The following RPGR variants were observed in gnomAD, a reference collection of about 807,000 sequenced individuals.
The protein encoded by RPGR is retinitis pigmentosa GTPase regulator, also known as X-linked retinitis pigmentosa GTPase regulator.
A neutral mutation model predicts 56.3 loss-of-function variants in RPGR; 10 were observed. The observed-to-expected ratio is 0.18, with a 90% CI of 0.11 to 0.30. The LOEUF is 0.30. Ranked by LOEUF, RPGR falls within the 10% of genes least tolerant of loss-of-function variation. The pLI is 1.00. For synonymous variants in RPGR, 197 were observed against 212.9 expected (o/e 0.93, Z 0.65); for missense variants, 538 against 590.9 (o/e 0.91, Z 0.93).
At chrX:38,273,315 G>T in intron 18 of RPGR, 1 of 838,295 alleles carries the variant, frequency 1.2e-6, no homozygotes, top group Non-Finnish European at 1.7e-6. Context: ...AAATTATGTG[G>T]ATTGCCATAT....
chrX:38,272,285 G>C (rs1459198898), intron 18 of RPGR: 2 of 111,740 alleles, frequency 1.8e-5, no homozygotes, highest in Non-Finnish European at 3.8e-5. Flanking sequence ...TAAATTCCAA[G>C]TAAGTTAAAA....
At position 38,297,387 on chromosome X, in the gene RPGR, A is replaced by G; in HGVS notation, c.1311T>C (p.Leu437=). Residue 437 remains leucine, a synonymous_variant, in exon 11 of 19, where the codon CTT becomes CTC. Coordinates refer to ENST00000642395, the MANE Select transcript of RPGR (RefSeq NM_000328.3). ...CTGAATTGGGGAGAAAACAAGCAGAAAGGCCAAGAGTCCCTTCTATTGGAG... is the reference window on the plus strand; with the variant it reads ...CTGAATTGGGGAGAAAACAAGCAGAGAGGCCAAGAGTCCCTTCTATTGGAG... The G allele has an allele frequency of 2.5e-6, 3 of 1,209,306 alleles. No homozygotes were observed. The highest frequency in any genetic ancestry group is 3.4e-6 in the Non-Finnish European group (3 of 894,102).
At chrX:38,294,156 T>A (rs1269605734) in intron 11 of RPGR, among the ~76,000 whole-genome samples, 1 of 111,696 alleles carries the variant, frequency 9.0e-6, no homozygotes, top group East Asian at 2.8e-4. Flanking sequence ...GATACTTCTT[T>A]GAGCTATTTT....
At chrX:38,298,572 T>C (rs951302884) in intron 10 of RPGR, 4 of 229,658 alleles carry the variant, frequency 1.7e-5, no homozygotes, top group Non-Finnish European at 3.2e-5. Context: ...TAAGGGGGTA[T>C]ATTTGTTGTA....
At chrX:38,312,279 T>A (rs1430568648) in intron 6 of RPGR, among the ~76,000 whole-genome samples, 1 of 111,772 alleles carries the variant, frequency 8.9e-6, no homozygotes, top group African/African-American at 3.3e-5. Context: ...CCATGCTTGT[T>A]GCCTCCCATA....
At chrX:38,301,409 T>C in intron 8 of RPGR, 38 bp from the exon 9 acceptor site, 2 of 1,106,946 alleles carry the variant, frequency 1.8e-6, no homozygotes, top group Non-Finnish European at 2.5e-6. Flanking sequence ...TATAAAAGTG[T>C]TACTTGTATG....
intron 10 of RPGR, among the ~76,000 whole-genome samples, chrX:38,298,128 G>A: frequency 9.1e-6 from 1 of 109,392 alleles, no homozygotes; most frequent in Non-Finnish European, 1.9e-5. Flanking sequence ...AAATTAGCCG[G>A]GCATGGTGGT....
intron 17 of RPGR, among the ~76,000 whole-genome samples, chrX:38,274,256 A>G (rs1039597398): frequency 1.8e-5 from 2 of 111,594 alleles, no homozygotes; most frequent in Admixed American, 1.9e-4. Context: ...CCTCTATTCC[A>G]CAGCACCTGC....
Position 38,269,357 on chromosome X carries a change from A to G in RPGR, c.*269T>C. ...GAAATATCTTATTTCAATTTTCCAC[A>G]TATAAAAATATATTTTTTATTGCAA... is the stretch of plus-strand genomic sequence containing the variant. On this transcript the variant is annotated 3_prime_UTR_variant, in exon 19 of 19. Coordinates refer to ENST00000642395, the MANE Select transcript of RPGR (RefSeq NM_000328.3). 1 of 188,675 alleles carries G rather than the reference A, an allele frequency of 5.3e-6. No individual in the cohort carries two copies. Among genetic ancestry groups the G allele is most frequent in the Admixed American group, 7.1e-5 (1 of 14,148 alleles). The allele number at this position is 188,675 out of a possible 1,213,427, so 15.5% of individuals were successfully genotyped here. A position where few individuals can be genotyped will look rare whatever the true frequency, so the allele number is the denominator to read the frequency against.
At chrX:38,279,695 T>C (rs771234879) in intron 15 of RPGR, among the ~76,000 whole-genome samples, 1 of 85,555 alleles carries the variant, frequency 1.2e-5, no homozygotes, top group Middle Eastern at 6.5e-3. Context: ...GGGACACATG[T>C]ATGAGATAGG....
chrX:38,323,611 C>A, intron 1 of RPGR, 87 bp from the exon 2 acceptor site: 1 of 1,019,989 alleles, frequency 9.8e-7, no homozygotes, highest in South Asian at 2.0e-5. Context: ...TCCATACAAA[C>A]CCCTTGTCTC....
Position 38,288,004 on chromosome X carries a change from G to T in RPGR, c.1610C>A (p.Ala537Asp). 8.3e-7 allele frequency: 1 copy of T among 1,210,129 alleles called. No homozygotes were observed. Residue 537 changes from alanine (A) to aspartate (D), a missense_variant, in exon 14 of 19, where the codon GCT becomes GAT. Ala to Asp is a moderately radical substitution (Grantham distance 126, BLOSUM62 -2). Coordinates refer to ENST00000642395, the MANE Select transcript of RPGR (RefSeq NM_000328.3). ...ATCACTATCATCGTTTTCAGTAAGA[G>T]CTGTATCCTGCGTCAGTTCCCCAAT... is the stretch of plus-strand genomic sequence containing the variant.
chrX:38,317,313 T>TA lies in RPGR; in HGVS notation c.619+2dup. 1 of 1,209,020 alleles carries TA rather than the reference T, an allele frequency of 8.3e-7. No homozygotes were observed. Among genetic ancestry groups the TA allele is most frequent in the Non-Finnish European group, 1.1e-6 (1 of 893,113 alleles). On this transcript the variant is annotated splice_region_variant and intron_variant, in intron 6 of 18. Transcript: ENST00000642395. ...AACATGATGACTTCAAAATGTGTCT[T>TA]ACTTGTTACAAAAGCTGAATGGTAA... is the stretch of plus-strand genomic sequence containing the variant.
At chrX:38,304,822 A>T (rs2067566149) in intron 7 of RPGR, 32 bp from the exon 8 acceptor site, 1 of 1,183,073 alleles carries the variant, frequency 8.5e-7, no homozygotes, top group East Asian at 3.0e-5. Flanking sequence ...CAAGACAAGG[A>T]TTATGGAAGC....
intron 15 of RPGR, chrX:38,285,501 TTGTC>T (rs1330132866): frequency 7.4e-6 from 9 of 1,210,372 alleles, no homozygotes; most frequent in Non-Finnish European, 6.7e-6. Flanking sequence ...GGCATTTAAA[TTGTC>T]TGACTGGCCA....
At position 38,291,022 on chromosome X, in the gene RPGR, T is replaced by A. The variant is rs1221673272; in HGVS notation, c.1509A>T (p.Thr503=). The change falls in exon 13 of 19, where the codon ACA becomes ACT. Residue 503 remains threonine, a splice_region_variant and synonymous_variant. Coordinates refer to ENST00000642395, the MANE Select transcript of RPGR (RefSeq NM_000328.3). ...CATTGGAATTCAGGCTCATGATGTG[T>A]GTCTGAAATAAATAAAAAATATATA... The A allele has an allele frequency of 3.1e-6, 3 of 961,822 alleles. No individual in the cohort carries two copies. The highest frequency in any genetic ancestry group is 2.6e-5 in the Admixed American group (1 of 38,368). The allele number at this position is 961,822 out of a possible 1,213,427, so 79.3% of individuals were successfully genotyped here. A position where few individuals can be genotyped will look rare whatever the true frequency, so the allele number is the denominator to read the frequency against.
intron 8 of RPGR, among the ~76,000 whole-genome samples, chrX:38,302,275 T>G (rs1218037815): frequency 9.0e-6 from 1 of 111,396 alleles, no homozygotes; most frequent in Non-Finnish European, 1.9e-5. Flanking sequence ...GGAGGGGAAT[T>G]TTCCTCTAGT....
Position 38,287,098 on chromosome X carries a change from G to C in RPGR, c.1901C>G (p.Ala634Gly). ...TTTTGCCTTGCCTTCACTCACCTCT[G>C]CTTTGTCTGTAAGGTCATCTGATAG... Residue 634 changes from alanine to glycine, a missense_variant, in exon 15 of 19, where the codon GCA becomes GGA. Around this residue, in one of 2 missense-constraint regions of RPGR, gnomAD observed 357 missense variants for 325.8 expected, o/e 1.10. Coordinates refer to ENST00000642395, the MANE Select transcript of RPGR (RefSeq NM_000328.3). 8.3e-7 allele frequency: 1 copy of C among 1,210,679 alleles called. No individual in the cohort carries two copies. Among genetic ancestry groups the C allele is most frequent in the South Asian group, 1.8e-5 (1 of 56,933 alleles).
At position 38,286,217 on chromosome X, in the gene RPGR, C is replaced by T; in HGVS notation, c.1905+877G>A. ...TCCTCCTCTTCCCCCTCCCCTTCTC[C>T]TTCCTCTCCTTCCTCCTCCCCTTTC... On this transcript the variant is annotated intron_variant, in intron 15 of 18. Transcript: ENST00000642395. 3 of 868,218 alleles carry T rather than the reference C, an allele frequency of 3.5e-6. No individual in the cohort carries two copies. The South Asian group carries it at 7.5e-5, about 22-fold the overall frequency. 71.6% of individuals were successfully genotyped at this position (868,218 alleles called of 1,213,427 possible).
Sources: allele counts gnomAD v4.1 joint callset (sites outside exome capture counted in the v4.1 genomes callset), GRCh38; gene constraint gnomAD v4.1.1; regional missense constraint gnomAD v4.1.1; transcripts MANE v1.5; gene names NCBI Gene and HGNC (gene_info 2026-07-23, HGNC 2026-07-21).